The following CNPY3 variants were observed in gnomAD, a reference collection of about 807,000 sequenced individuals.
The protein encoded by CNPY3 is protein canopy homolog 3.
A neutral mutation model predicts 32.0 loss-of-function variants in CNPY3; 20 were observed. That is an observed-to-expected ratio of 0.63 (90% confidence interval 0.44 to 0.91). The LOEUF is 0.91. Among genes scored for constraint, CNPY3 ranks in the 40% least tolerant of loss-of-function variants. CNPY3 has a pLI of 0.00. For missense variants in CNPY3, 299 were observed against 340.8 expected, an observed-to-expected ratio of 0.88 and a Z score of 0.97; for synonymous variants, 138 against 142.9, an observed-to-expected ratio of 0.97 and a Z score of 0.24.
upstream of CNPY3, among the ~76,000 whole-genome samples, chr6:42,928,729 G>A (rs1767533694): frequency 6.6e-6 from 1 of 152,094 alleles, no homozygotes; most frequent in Non-Finnish European, 1.5e-5. Context: ...ATAAATAATA[G>A]GGCAGTAAAA....
rs1390387510 is a variant in CNPY3 at position 42,937,592 on chromosome 6, A to G, written c.373-125A>G. 1.2e-5 allele frequency: 12 copies of G among 1,001,044 alleles called. No homozygotes were observed. The South Asian group carries it at 1.3e-4, about 10-fold the overall frequency. 62.0% of individuals were successfully genotyped at this position (1,001,044 alleles called of 1,614,324 possible). ...AGTGAGACTCCTTCTCAAAAAAAAA[A>G]GGATGAGGATCCTTAGAGGGCGTTG... is the stretch of plus-strand genomic sequence containing the variant. On this transcript the variant is annotated intron_variant, in intron 3 of 5. Coordinates refer to ENST00000372836, the MANE Select transcript of CNPY3 (RefSeq NM_006586.5).
chr6:42,937,689 G>T, intron 3 of CNPY3, 28 bp from the exon 4 acceptor site: 1 of 1,597,826 alleles, frequency 6.3e-7, no homozygotes, highest in Non-Finnish European at 8.5e-7. Flanking sequence ...AGGGAGCTCC[G>T]CCTGCCATAT....
rs202139019 is a variant in CNPY3 at position 42,936,556 on chromosome 6, CAG to C, written c.372+889_372+890del. 7.0e-3 allele frequency among the ~76,000 whole-genome samples: 1,063 copies of C among 152,208 alleles called. 11 individuals carry two copies. Among genetic ancestry groups the C allele is most frequent in the African/African-American group, 0.024 (976 of 41,520 alleles). ...TTTGTGTGTTTGTTTGTTTTGGAGA[CAG>C]AGTCTCACACTCTGTTGCCCAAGCT... On this transcript the variant is annotated intron_variant, in intron 3 of 5. Coordinates refer to ENST00000372836, the MANE Select transcript of CNPY3 (RefSeq NM_006586.5).
At position 42,938,192 on chromosome 6, in the gene CNPY3, A is replaced by T; in HGVS notation, c.598A>T (p.Lys200Ter). Reference protein sequence around the residue: ...TEFLCANHVLKGKDTSCLAEQ... With the variant: ...TEFLCANHVL ...ATTCCTCTGCGCCAACCACGTGCTG[A>T]AGGGAAAAGACACCAGTGAGTTTGG... The change falls in exon 5 of 6, where the codon AAG becomes TAG. Residue 200 changes from lysine (K) to a stop codon, truncating the protein, a stop_gained. Transcript: ENST00000372836. LOFTEE classifies it high-confidence loss of function. 1 of 1,613,730 alleles carries T rather than the reference A, an allele frequency of 6.2e-7. No homozygotes were observed.
chr6:42,929,066 G>A (rs1767545459), upstream of CNPY3: 1 of 153,806 alleles, frequency 6.5e-6, no homozygotes, highest in Admixed American at 6.5e-5. Flanking sequence ...AAAAACAGAT[G>A]TTCAGTAAGG....
At position 42,939,062 on chromosome 6, in the gene CNPY3, A is replaced by C; in HGVS notation, c.*271A>C. 1 of 1,234,584 alleles carries C rather than the reference A, an allele frequency of 8.1e-7. No homozygotes were observed. Among genetic ancestry groups the C allele is most frequent in the South Asian group, 2.9e-5 (1 of 34,986 alleles). The allele number at this position is 1,234,584 out of a possible 1,614,324, so 76.5% of individuals were successfully genotyped here. On this transcript the variant is annotated 3_prime_UTR_variant, in exon 6 of 6. Coordinates refer to ENST00000372836, the MANE Select transcript of CNPY3 (RefSeq NM_006586.5). ...CAGGACTGCAAGGACTCCAGTGTGAACTCAGGAGGGGCAGGTGTCAGAACT... is the reference window on the plus strand; with the variant it reads ...CAGGACTGCAAGGACTCCAGTGTGACCTCAGGAGGGGCAGGTGTCAGAACT...
At position 42,934,603 on chromosome 6, in the gene CNPY3, G is replaced by A. The variant is rs1768080389; in HGVS notation, c.275+5G>A. On this transcript the variant is annotated splice_donor_5th_base_variant and intron_variant, in intron 2 of 5. Transcript: ENST00000372836. ...TGGAGTCAAATACACCAAGTCGTAA[G>A]TGAATGGGGACTCACTGGCCTGGCC... 1 of 1,613,626 alleles carries A rather than the reference G, an allele frequency of 6.2e-7. No individual in the cohort carries two copies. Among genetic ancestry groups the A allele is most frequent in the Non-Finnish European group, 8.5e-7 (1 of 1,179,944 alleles).
At chr6:42,929,861 G>T (rs1243243357) in intron 1 of CNPY3, 140 bp downstream of exon 1, 13 of 1,005,378 alleles carry the variant, frequency 1.3e-5, no homozygotes, top group Non-Finnish European at 1.8e-5. Flanking sequence ...GCGCCGGGAC[G>T]CTGCGGCGGA....
In CNPY3 at chr6:42,937,704, T is replaced by TC. The variant is rs1218153152; in HGVS notation, c.373-12dup. 6.2e-7 allele frequency: 1 copy of TC among 1,613,762 alleles called. No homozygotes were observed. ...AGGGAGCTCCGCCTGCCATATCTGG[T>TC]CGCTTCTTCCAGGGCATGTCAGAGA... is the stretch of plus-strand genomic sequence containing the variant. On this transcript the variant is annotated splice_polypyrimidine_tract_variant and intron_variant, in intron 3 of 5. Transcript: ENST00000372836.
intron 1 of CNPY3, among the ~76,000 whole-genome samples, chr6:42,933,441 C>T (rs531902855): frequency 2.0e-5 from 3 of 152,148 alleles, no homozygotes; most frequent in African/African-American, 4.8e-5. Context: ...AATAAATGTG[C>T]GGAGACAGTA....
Position 42,929,641 on chromosome 6 carries a change from T to TGCTGCC in CNPY3, c.73_78dup (p.Leu25_Pro26dup), listed in dbSNP as rs1767620467. On this transcript the variant is annotated inframe_insertion, in exon 1 of 6. Transcript: ENST00000372836. ...CCCTTGCTGCTGCTGCTGCTGCTGC[T>TGCTGCC]GCTGCCGGCCCCGGAGCTGGGCCCG... 2.6e-6 allele frequency: 4 copies of TGCTGCC among 1,555,034 alleles called. No individual in the cohort carries two copies. Among genetic ancestry groups the TGCTGCC allele is most frequent in the Non-Finnish European group, 3.5e-6 (4 of 1,150,346 alleles).
At chr6:42,935,068 A>C (rs1306894396) in intron 2 of CNPY3, among the ~76,000 whole-genome samples, 1 of 152,054 alleles carries the variant, frequency 6.6e-6, no homozygotes, top group Non-Finnish European at 1.5e-5. Context: ...GAGTTTCACC[A>C]TGTTGGTTAG....
rs1371044271 is a variant in CNPY3, at chr6:42,929,612, T to G, written c.42T>G (p.Leu14=). ...MPEPASRCLL[L]LPLLLLLLLL... is the part of the protein sequence containing the mutation. Reference sequence around the variant, plus strand: ...AGCCCGCGTCCCGCTGTCTTCTGCTTCTTCCCTTGCTGCTGCTGCTGCTGC... The same window carrying G: ...AGCCCGCGTCCCGCTGTCTTCTGCTGCTTCCCTTGCTGCTGCTGCTGCTGC... Residue 14 remains leucine (L), a synonymous_variant, in exon 1 of 6, where the codon CTT becomes CTG. Transcript: ENST00000372836. 7.7e-6 allele frequency: 12 copies of G among 1,568,616 alleles called. No homozygotes were observed. The highest frequency in any genetic ancestry group is 1.0e-5 in the Non-Finnish European group (12 of 1,157,684).
upstream of CNPY3, among the ~76,000 whole-genome samples, chr6:42,928,973 G>A (rs1367615918): frequency 2.0e-5 from 3 of 152,192 alleles, no homozygotes; most frequent in Non-Finnish European, 4.4e-5. Flanking sequence ...GAAGGCTGGG[G>A]ACAGTTTGAG....
At chr6:42,928,132 C>T (rs548955543), upstream of CNPY3, among the ~76,000 whole-genome samples, 2 of 152,122 alleles carry the variant, frequency 1.3e-5, no homozygotes, top group African/African-American at 2.4e-5. Flanking sequence ...GGATTACAGG[C>T]GTGTGCCACC....
Position 42,938,128 on chromosome 6 carries a change from G to A in CNPY3, c.534G>A (p.Glu178=), listed in dbSNP as rs1768363972. 1 of 1,614,152 alleles carries A rather than the reference G, an allele frequency of 6.2e-7. No individual in the cohort carries two copies. The highest frequency in any genetic ancestry group is 8.5e-7 in the Non-Finnish European group (1 of 1,180,006). The change falls in exon 5 of 6, where the codon GAG becomes GAA. Residue 178 remains glutamate (E), a synonymous_variant. Coordinates refer to ENST00000372836, the MANE Select transcript of CNPY3 (RefSeq NM_006586.5). ...VLVEEFEEVI[E]DWYRNHQEED... ...TGGAAGAGTTTGAGGAGGTGATCGAGGACTGGTACAGGAACCACCAGGAGG... is the reference window on the plus strand; with the variant it reads ...TGGAAGAGTTTGAGGAGGTGATCGAAGACTGGTACAGGAACCACCAGGAGG...
intron 3 of CNPY3, among the ~76,000 whole-genome samples, chr6:42,937,039 C>G (rs1581715337): frequency 6.6e-6 from 1 of 152,186 alleles, no homozygotes. Flanking sequence ...AATAAAGGGT[C>G]TACCTGCCTC....
At chr6:42,938,321 C>A in intron 5 of CNPY3, 114 bp downstream of exon 5, 1 of 885,500 alleles carries the variant, frequency 1.1e-6, no homozygotes, top group Non-Finnish European at 1.9e-6. Flanking sequence ...AGGATCTCTG[C>A]CCTTGAAAGG....
At chr6:42,935,814 C>A in intron 3 of CNPY3, 144 bp downstream of exon 3, 1 of 957,442 alleles carries the variant, frequency 1.0e-6, no homozygotes, top group Non-Finnish European at 1.5e-6. Flanking sequence ...GCCGTTTGTG[C>A]TCCTCCCCTC....
Sources: allele counts gnomAD v4.1 joint callset (sites outside exome capture counted in the v4.1 genomes callset), GRCh38; gene constraint gnomAD v4.1.1; transcripts MANE v1.5; gene names NCBI Gene and HGNC (gene_info 2026-07-23, HGNC 2026-07-21).